Variants in VIPR1 observed in about 807,000 individuals in gnomAD.
The protein encoded by VIPR1 is vasoactive intestinal peptide receptor 1.
Under a neutral mutation model 58.8 loss-of-function variants are expected in VIPR1, and 59 were observed. The observed-to-expected ratio is 1.00, with a 90% CI of 0.81 to 1.25. The LOEUF is 1.25. Ranked by LOEUF, VIPR1 falls within the 50% of genes most tolerant of loss-of-function variation. The probability of loss-of-function intolerance (pLI) is 0.00; values close to 1 mark genes in which losing one functional copy is unlikely to be tolerated. For missense variants in VIPR1, 626 were observed against 602.7 expected (o/e 1.04, Z -0.40); for synonymous variants, 251 against 242.1 (o/e 1.04, Z -0.34).
chr3:42,515,819 G>A (rs1182825655), intron 2 of VIPR1, among the ~76,000 whole-genome samples: 1 of 152,162 alleles, frequency 6.6e-6, no homozygotes, highest in East Asian at 1.9e-4. Flanking sequence ...TTAAGCTTGG[G>A]CACATGCCAT....
intron 1 of VIPR1, chr3:42,507,307 A>C (rs1156471698): frequency 1.3e-5 from 2 of 152,170 alleles, no homozygotes; most frequent in Admixed American, 6.5e-5. Context: ...TGGCAGGGAG[A>C]AAGCAGGGTG....
At chr3:42,507,463 G>A (rs1700168159) in intron 1 of VIPR1, among the ~76,000 whole-genome samples, 2 of 152,228 alleles carry the variant, frequency 1.3e-5, no homozygotes, top group Non-Finnish European at 1.5e-5. Context: ...GGTCACCAGA[G>A]GAGGGGGAAG....
chr3:42,531,086 C>A, intron 7 of VIPR1, 154 bp downstream of exon 7: 1 of 989,454 alleles, frequency 1.0e-6, no homozygotes, highest in Non-Finnish European at 1.5e-6. Flanking sequence ...CAAGAAAGTC[C>A]TCAAAATGTC....
chr3:42,496,625 C>T (rs552955259), intron 1 of VIPR1, among the ~76,000 whole-genome samples: 6 of 152,268 alleles, frequency 3.9e-5, no homozygotes, highest in East Asian at 1.9e-4. Flanking sequence ...GAGGCATAGA[C>T]GTTTGGCATT....
At chr3:42,520,614 G>T (rs1319048338) in intron 3 of VIPR1, among the ~76,000 whole-genome samples, 1 of 152,060 alleles carries the variant, frequency 6.6e-6, no homozygotes, top group Non-Finnish European at 1.5e-5. Context: ...GAGTGGGACT[G>T]GGTGGGGAGC....
intron 2 of VIPR1, among the ~76,000 whole-genome samples, chr3:42,516,270 C>T (rs1254902942): frequency 6.6e-6 from 1 of 152,146 alleles, no homozygotes; most frequent in African/African-American, 2.4e-5. Context: ...ACCTATGGGG[C>T]CTCATTAGGG....
Position 42,494,470 on chromosome 3 carries a change from G to A in VIPR1, c.-245+4792G>A, listed in dbSNP as rs565818859. Reference sequence around the variant, plus strand: ...ACTATCTGAGCTTGGTATTTTTTAGGGGTAAATTTAATGGTTTATATTTCT... The same window carrying A: ...ACTATCTGAGCTTGGTATTTTTTAGAGGTAAATTTAATGGTTTATATTTCT... On this transcript the variant is annotated intron_variant, in intron 1 of 13. Transcript: ENST00000433647. 2.6e-5 allele frequency among the ~76,000 whole-genome samples: 4 copies of A among 152,122 alleles called. No individual in the cohort carries two copies. In the South Asian group the frequency reaches 8.3e-4, roughly 32 times the overall value.
At position 42,503,691 on chromosome 3, in the gene VIPR1, A is replaced by T. The variant is rs377521; in HGVS notation, c.78+878A>T. Among the ~76,000 whole-genome samples, 6 of 151,900 alleles carry T rather than the reference A, an allele frequency of 3.9e-5. No individual in the cohort carries two copies. The East Asian group carries it at 1.2e-3, about 29-fold the overall frequency. ...GGAGACCTCAGCACTCATTGAGTCT[A>T]CTGAAGCCCATTTTACAGATGGGCA... On this transcript the variant is annotated intron_variant, in intron 1 of 12. Transcript: ENST00000325123.
At chr3:42,526,902 G>A (rs1045386287) in intron 4 of VIPR1, among the ~76,000 whole-genome samples, 5 of 152,234 alleles carry the variant, frequency 3.3e-5, no homozygotes, top group Non-Finnish European at 7.4e-5. Context: ...CAACTCCCAA[G>A]GGCCCAAAAT....
rs145422695 is a variant in VIPR1, at chr3:42,491,294, T to A, written c.-245+1616T>A. Reference sequence around the variant, plus strand: ...CAAGGAATGAAAATTAAATAATGATTGGATATTGAATGCTATTAAGGAATT... The same window carrying A: ...CAAGGAATGAAAATTAAATAATGATAGGATATTGAATGCTATTAAGGAATT... On this transcript the variant is annotated intron_variant, in intron 1 of 13. Transcript: ENST00000433647. Among the ~76,000 whole-genome samples the A allele has an allele frequency of 2.0e-5, 3 of 152,368 alleles. No homozygotes were observed. The East Asian group carries it at 5.8e-4, about 29-fold the overall frequency.
At chr3:42,519,047 G>A (rs1025815590) in intron 2 of VIPR1, among the ~76,000 whole-genome samples, 176 bp from the exon 3 acceptor site, 2 of 152,242 alleles carry the variant, frequency 1.3e-5, no homozygotes, top group African/African-American at 4.8e-5. Context: ...CTGCCTCCCT[G>A]TCAGGACAGC....
chr3:42,501,948 AAGGG>A, upstream of VIPR1: 1 of 152,248 alleles, frequency 6.6e-6, no homozygotes, highest in Non-Finnish European at 1.5e-5. The surrounding 1 kb of genome is among the most constrained non-coding windows in gnomAD (Gnocchi z 4.8). Flanking sequence ...CCGAGGCTTG[AAGGG>A]CCAGGGCACC....
At chr3:42,501,472 C>T (rs1278478629), upstream of VIPR1, among the ~76,000 whole-genome samples, 1 of 152,242 alleles carries the variant, frequency 6.6e-6, no homozygotes, top group Admixed American at 6.5e-5. This position sits in a 1 kb window ranked among gnomAD's most constrained non-coding sequence, Gnocchi z 4.8. Flanking sequence ...GCCAGCCACT[C>T]TATCCTGCCG....
intron 1 of VIPR1, among the ~76,000 whole-genome samples, chr3:42,505,256 G>T (rs1209597200): frequency 1.3e-5 from 2 of 152,242 alleles, no homozygotes; most frequent in Non-Finnish European, 2.9e-5. Flanking sequence ...GTGCCCTAAA[G>T]AGTTTGACCA....
chr3:42,522,514 A>G (rs1443531959), intron 3 of VIPR1, among the ~76,000 whole-genome samples: 1 of 152,152 alleles, frequency 6.6e-6, no homozygotes, highest in Non-Finnish European at 1.5e-5. Flanking sequence ...TGTGGGGTCT[A>G]TGGGATACCT....
chr3:42,531,652 G>GA (rs1701561895), intron 8 of VIPR1, 121 bp downstream of exon 8: 5 of 1,546,884 alleles, frequency 3.2e-6, no homozygotes, highest in Non-Finnish European at 4.5e-6. Context: ...GGCCAGAGGG[G>GA]AGGCTGGAGG....
chr3:42,523,027 C>T (rs2267536), intron 3 of VIPR1, among the ~76,000 whole-genome samples: 31,604 of 151,494 alleles, frequency 0.21, 4,520 homozygotes, highest in African/African-American at 0.4. Flanking sequence ...GTCCCTCCCA[C>T]GGTGGAGCCC....
In VIPR1 at chr3:42,531,743, C is replaced by T. The variant is rs1423811476; in HGVS notation, c.852-60C>T. The stretch of plus-strand genomic sequence containing the variant: ...GAGCTGGGGACAACTGGGGGAGGTG[C>T]TGCTGAGTCTCTCTCTGGCTGAGGA... On this transcript the variant is annotated intron_variant, in intron 8 of 12. Transcript: ENST00000325123. 3 of 1,607,346 alleles carry T rather than the reference C, an allele frequency of 1.9e-6. No homozygotes were observed. In the East Asian group the frequency reaches 6.7e-5, roughly 36 times the overall value.
chr3:42,491,325 A>G (rs1346207111), intron 1 of VIPR1, among the ~76,000 whole-genome samples: 2 of 152,210 alleles, frequency 1.3e-5, no homozygotes, highest in Non-Finnish European at 2.9e-5. Flanking sequence ...GAATTTTGGT[A>G]TTTCTTAGTG....
Sources: gnomAD v4.1 joint callset for allele counts (sites outside exome capture counted in the v4.1 genomes callset) on GRCh38, gnomAD v4.1.1 for gene constraint, Gnocchi (gnomAD v3.1) non-coding constraint, MANE v1.5 for transcripts, NCBI Gene and HGNC (gene_info 2026-07-23, HGNC 2026-07-21) for gene names.